The following CA10 variants were observed in gnomAD, a reference collection of about 807,000 sequenced individuals.
The protein encoded by CA10 is carbonic anhydrase 10 (inactive), also known as carbonic anhydrase-related protein 10.
Under a neutral mutation model 44.2 loss-of-function variants are expected in CA10, and 14 were observed. That is an observed-to-expected ratio of 0.32 (90% CI 0.21 to 0.50). The LOEUF is 0.50. Ranked by LOEUF, CA10 falls within the 20% of genes least tolerant of loss-of-function variation. CA10 has a pLI of 0.99. For synonymous variants in CA10, 159 were observed against 141.6 expected (o/e 1.12, Z -0.87); for missense variants, 350 against 409.7 (o/e 0.85, Z 1.26).
Position 51,630,679 on chromosome 17 carries a change from G to GATGAAGGAAC in CA10, c.*895_*904dup, listed in dbSNP as rs1203874393. On this transcript the variant is annotated 3_prime_UTR_variant, in exon 9 of 9. Coordinates refer to ENST00000451037, the MANE Select transcript of CA10 (RefSeq NM_020178.5). ...TGGCTGCAAATGAACAAAACATGTA[G>GATGAAGGAAC]ATGAAGGAACAAGTGAAATCAAAGA... 3 of 152,588 alleles carry GATGAAGGAAC rather than the reference G, an allele frequency of 2.0e-5. No individual in the cohort carries two copies. The highest frequency in any genetic ancestry group is 2.0e-4 in the Admixed American group (3 of 15,284). 9.5% of individuals were successfully genotyped at this position (152,588 alleles called of 1,614,324 possible).
At chr17:51,815,571 G>A (rs913752436) in intron 3 of CA10, among the ~76,000 whole-genome samples, 49 of 152,136 alleles carry the variant, frequency 3.2e-4, no homozygotes, top group Non-Finnish European at 6.6e-4. Context: ...AAATGATCAG[G>A]CCCCTAAGCC....
chr17:52,041,621 A>G (rs531659214), intron 2 of CA10, among the ~76,000 whole-genome samples: 1 of 152,246 alleles, frequency 6.6e-6, no homozygotes, highest in Non-Finnish European at 1.5e-5. Flanking sequence ...TTCGTGAATT[A>G]AAGTATACAA....
intron 4 of CA10, among the ~76,000 whole-genome samples, chr17:51,729,787 G>A (rs568853957): frequency 5.4e-4 from 83 of 152,294 alleles, no homozygotes; most frequent in African/African-American, 2.0e-3. Flanking sequence ...CTCTAATGAG[G>A]TGGATGTGGA....
At chr17:51,731,276 C>G (rs1916707542) in intron 4 of CA10, among the ~76,000 whole-genome samples, 1 of 152,178 alleles carries the variant, frequency 6.6e-6, no homozygotes, top group Non-Finnish European at 1.5e-5. Flanking sequence ...ACTCTGGAGG[C>G]TGAGGCAGGA....
intron 3 of CA10, among the ~76,000 whole-genome samples, chr17:51,900,276 T>C (rs889510649): frequency 1.3e-5 from 2 of 151,204 alleles, no homozygotes; most frequent in African/African-American, 4.9e-5. Flanking sequence ...TTATGTTTCC[T>C]TTGCTTATGA....
intron 3 of CA10, among the ~76,000 whole-genome samples, chr17:51,790,121 G>C (rs1906457194): frequency 6.6e-6 from 1 of 152,146 alleles, no homozygotes; most frequent in Non-Finnish European, 1.5e-5. Flanking sequence ...CTAACCAAGT[G>C]GGGAGCCAGG....
intron 3 of CA10, among the ~76,000 whole-genome samples, chr17:51,904,017 T>C (rs908409697): frequency 6.6e-6 from 1 of 151,742 alleles, no homozygotes; most frequent in Admixed American, 6.6e-5. Flanking sequence ...TATGTGGGAC[T>C]AGAAGCAGGC....
intron 3 of CA10, among the ~76,000 whole-genome samples, chr17:51,854,254 C>T (rs1217729052): frequency 2.6e-5 from 4 of 152,130 alleles, no homozygotes; most frequent in Non-Finnish European, 1.5e-5. Flanking sequence ...GTTCACAGGG[C>T]AGGGGTGGCA....
At chr17:51,881,241 A>AG (rs1491136506) in intron 3 of CA10, among the ~76,000 whole-genome samples, 6 of 98,142 alleles carry the variant, frequency 6.1e-5, no homozygotes, top group African/African-American at 2.3e-4. Flanking sequence ...CTCCGTCTCA[A>AG]GAAAAAAAAA....
chr17:51,758,639 C>T (rs1885735786), intron 3 of CA10, among the ~76,000 whole-genome samples: 1 of 152,188 alleles, frequency 6.6e-6, no homozygotes, highest in African/African-American at 2.4e-5. Context: ...CCTCACAATC[C>T]TGGTATGTAG....
At chr17:51,772,694 T>C (rs1905657539) in intron 3 of CA10, among the ~76,000 whole-genome samples, 1 of 151,754 alleles carries the variant, frequency 6.6e-6, no homozygotes. Flanking sequence ...CTAGGCCAGC[T>C]AACACAGTTA....
intron 1 of CA10, among the ~76,000 whole-genome samples, chr17:52,133,271 G>T (rs775362729): frequency 1.3e-5 from 2 of 152,218 alleles, no homozygotes; most frequent in Non-Finnish European, 2.9e-5. Flanking sequence ...CCCCAGCGGT[G>T]GGGCATCCGT....
intron 2 of CA10, among the ~76,000 whole-genome samples, chr17:52,000,759 T>A (rs900779303): frequency 6.6e-6 from 1 of 152,016 alleles, no homozygotes; most frequent in African/African-American, 2.4e-5. Flanking sequence ...TCCTCACAAA[T>A]AAACCTATGA....
chr17:51,777,579 T>C (rs1345163633), intron 3 of CA10, among the ~76,000 whole-genome samples: 1 of 152,172 alleles, frequency 6.6e-6, no homozygotes, highest in Non-Finnish European at 1.5e-5. Flanking sequence ...GATATGTGTA[T>C]AGTCATCTTA....
intron 2 of CA10, among the ~76,000 whole-genome samples, chr17:51,986,062 A>C (rs923393429): frequency 3.3e-5 from 5 of 152,008 alleles, no homozygotes; most frequent in Non-Finnish European, 5.9e-5. Flanking sequence ...TAAGCAAAAA[A>C]GAACAAATAT....
At chr17:51,932,373 A>G (rs1982699983) in intron 2 of CA10, among the ~76,000 whole-genome samples, 1 of 152,196 alleles carries the variant, frequency 6.6e-6, no homozygotes, top group Non-Finnish European at 1.5e-5. Flanking sequence ...CCTATAGCAT[A>G]GATGGAGAAA....
At chr17:51,778,430 G>A (rs1385704913) in intron 3 of CA10, among the ~76,000 whole-genome samples, 2 of 152,126 alleles carry the variant, frequency 1.3e-5, no homozygotes, top group Non-Finnish European at 2.9e-5. Flanking sequence ...GGCATAGATC[G>A]CTATATGAGT....
chr17:51,820,436 T>A (rs944157630), intron 3 of CA10, among the ~76,000 whole-genome samples: 1 of 108,482 alleles, frequency 9.2e-6, no homozygotes, highest in Non-Finnish European at 1.7e-5. Context: ...GATTTTCCTG[T>A]ACAAAGTTAA....
chr17:51,931,985 A>G (rs773562982), intron 2 of CA10, among the ~76,000 whole-genome samples: 1 of 152,106 alleles, frequency 6.6e-6, no homozygotes, highest in Non-Finnish European at 1.5e-5. Context: ...CAGTACTTCC[A>G]TCGAGTCTCT....
Sources: allele counts gnomAD v4.1 joint callset (sites outside exome capture counted in the v4.1 genomes callset), GRCh38; gene constraint gnomAD v4.1.1; transcripts MANE v1.5; gene names NCBI Gene and HGNC (gene_info 2026-07-23, HGNC 2026-07-21).